The following DPYD variants were observed in gnomAD, a reference collection of about 807,000 sequenced individuals.
The protein encoded by DPYD is dihydropyrimidine dehydrogenase.
In DPYD, 109 loss-of-function variants were observed where a neutral mutation model predicts 116.2. The observed-to-expected ratio is 0.94, with a 90% CI of 0.80 to 1.10. The LOEUF (loss-of-function observed/expected upper bound fraction) is 1.10. Ranked by LOEUF, DPYD falls within the 50% of genes least tolerant of loss-of-function variation. The pLI is 0.00. For missense variants in DPYD, 1,302 were observed against 1,254.5 expected, an observed-to-expected ratio of 1.04 and a Z score of -0.57; for synonymous variants, 440 against 432.0, an observed-to-expected ratio of 1.02 and a Z score of -0.23.
intron 20 of DPYD, among the ~76,000 whole-genome samples, chr1:97,161,353 T>C (rs1655882711): frequency 6.6e-6 from 1 of 152,116 alleles, no homozygotes; most frequent in Non-Finnish European, 1.5e-5. Context: ...CAACCCATCA[T>C]TCTACCATAC....
At chr1:97,468,530 G>A (rs140618764) in intron 13 of DPYD, among the ~76,000 whole-genome samples, 1 of 152,126 alleles carries the variant, frequency 6.6e-6, no homozygotes, top group Non-Finnish European at 1.5e-5. Flanking sequence ...ATTTGCCAGT[G>A]CGTTAAACTT....
At chr1:97,299,240 A>C (rs1397667871) in intron 18 of DPYD, among the ~76,000 whole-genome samples, 1 of 152,158 alleles carries the variant, frequency 6.6e-6, no homozygotes, top group Non-Finnish European at 1.5e-5. Flanking sequence ...TCATAATAGA[A>C]CATTTTTTGA....
At chr1:97,755,448 T>G (rs1665176074) in intron 3 of DPYD, among the ~76,000 whole-genome samples, 4 of 152,162 alleles carry the variant, frequency 2.6e-5, no homozygotes, top group Admixed American at 2.6e-4. Flanking sequence ...CTGTAAGTAA[T>G]AAACCTGCTT....
intron 3 of DPYD, among the ~76,000 whole-genome samples, chr1:97,751,473 T>TATAA: frequency 8.7e-6 from 1 of 115,566 alleles, no homozygotes; most frequent in Non-Finnish European, 1.8e-5. Flanking sequence ...TATATATATA[T>TATAA]ATATATATAT....
chr1:97,378,920 G>A (rs1283328762), intron 15 of DPYD, among the ~76,000 whole-genome samples: 1 of 152,178 alleles, frequency 6.6e-6, no homozygotes, highest in African/African-American at 2.4e-5. Context: ...ATTTTGGGGA[G>A]CCTAATGCTT....
At chr1:97,287,212 G>A (rs966226446) in intron 18 of DPYD, among the ~76,000 whole-genome samples, 34 of 152,270 alleles carry the variant, frequency 2.2e-4, no homozygotes, top group Middle Eastern at 3.4e-3. Context: ...GTTTGCCTGG[G>A]TATCAGCAGC....
intron 16 of DPYD, among the ~76,000 whole-genome samples, chr1:97,330,894 T>C (rs1668953378): frequency 6.6e-6 from 1 of 152,222 alleles, no homozygotes; most frequent in Non-Finnish European, 1.5e-5. Flanking sequence ...GGGACAATCA[T>C]AATATTGGTA....
At chr1:97,867,740 T>A (rs1054815541) in intron 2 of DPYD, among the ~76,000 whole-genome samples, 3 of 151,844 alleles carry the variant, frequency 2.0e-5, no homozygotes, top group Non-Finnish European at 4.4e-5. Flanking sequence ...ATAAAAGCCA[T>A]GTATCACAAG....
intron 10 of DPYD, among the ~76,000 whole-genome samples, chr1:97,584,507 T>C (rs1240893405): frequency 6.6e-6 from 1 of 152,110 alleles, no homozygotes; most frequent in Non-Finnish European, 1.5e-5. Context: ...CTGAATGGTA[T>C]TGCCTAGGTC....
intron 14 of DPYD, among the ~76,000 whole-genome samples, chr1:97,393,846 A>G (rs1672856118): frequency 6.6e-6 from 1 of 152,170 alleles, no homozygotes; most frequent in South Asian, 2.1e-4. Flanking sequence ...TTCTAGTTCT[A>G]GATCCTTGAG....
chr1:97,693,307 AAAAAAAAAAACC>A lies in DPYD; in HGVS notation c.681-1521_681-1510del, dbSNP rs1288367962. ...CTCCGTCTCAAAAAAAAAAAAAAAA[AAAAAAAAAAACC>A]AAAAAAGAAAATGCAAGGTATCAAA... On this transcript the variant is annotated intron_variant, in intron 6 of 22. Transcript: ENST00000370192. 2.5e-3 allele frequency among the ~76,000 whole-genome samples: 323 copies of A among 127,282 alleles called. 7 individuals are homozygous for A. Among genetic ancestry groups the A allele is most frequent in the Middle Eastern group, 4.2e-3 (1 of 240 alleles). The allele number at this position is 127,282 out of a possible 152,430, so 83.5% of individuals were successfully genotyped here.
intron 17 of DPYD, 33 bp downstream of exon 17, chr1:97,306,144 A>G (rs1240620350): frequency 5.0e-6 from 8 of 1,611,728 alleles, no homozygotes; most frequent in East Asian, 2.2e-5. Flanking sequence ...AATATTTACA[A>G]TAGCGGGCAA....
In DPYD at chr1:97,866,312, T is replaced by C. The variant is rs568228659; in HGVS notation, c.150+16952A>G. 2.0e-5 allele frequency among the ~76,000 whole-genome samples: 3 copies of C among 152,074 alleles called. No homozygotes were observed. In the South Asian group the frequency reaches 6.2e-4, roughly 32 times the overall value. On this transcript the variant is annotated intron_variant, in intron 2 of 22. Transcript: ENST00000370192. The stretch of plus-strand genomic sequence containing the variant: ...GGCTTCCACAAGACAGCTTCTTTAC[T>C]GGCCTTCTGTTAATGAGTTAGAGGT...
At chr1:97,437,723 G>A (rs1292991680) in intron 14 of DPYD, among the ~76,000 whole-genome samples, 5 of 151,868 alleles carry the variant, frequency 3.3e-5, no homozygotes, top group Non-Finnish European at 7.4e-5. Flanking sequence ...AGTTTGAAGA[G>A]GAAATGTTTT....
intron 14 of DPYD, among the ~76,000 whole-genome samples, chr1:97,401,958 T>C (rs1358195630): frequency 6.6e-6 from 1 of 152,134 alleles, no homozygotes; most frequent in African/African-American, 2.4e-5. Context: ...ATTTCTGGGA[T>C]GTCTTTTTTG....
intron 4 of DPYD, among the ~76,000 whole-genome samples, chr1:97,723,583 T>C (rs1237325779): frequency 6.6e-6 from 1 of 151,626 alleles, no homozygotes; most frequent in Non-Finnish European, 1.5e-5. Flanking sequence ...TTAGTTGTGG[T>C]CTTTCCATCA....
At chr1:97,615,403 T>TG (rs1305187356) in intron 8 of DPYD, among the ~76,000 whole-genome samples, 1 of 152,046 alleles carries the variant, frequency 6.6e-6, no homozygotes, top group African/African-American at 2.4e-5. Flanking sequence ...AACAGTGGGG[T>TG]GATTCTGACC....
intron 1 of DPYD, among the ~76,000 whole-genome samples, chr1:97,885,149 C>A (rs949214620): frequency 1.3e-5 from 2 of 151,912 alleles, no homozygotes; most frequent in African/African-American, 4.8e-5. Context: ...GAATGCAATT[C>A]CTACTAGATT....
chr1:97,458,504 T>G (rs537584478), intron 13 of DPYD, among the ~76,000 whole-genome samples: 2 of 152,106 alleles, frequency 1.3e-5, no homozygotes, highest in African/African-American at 4.8e-5. Context: ...AAGGGCAAAC[T>G]AACTATTGGG....
Sources: allele counts gnomAD v4.1 joint callset (sites outside exome capture counted in the v4.1 genomes callset), GRCh38; gene constraint gnomAD v4.1.1; transcripts MANE v1.5; gene names NCBI Gene and HGNC (gene_info 2026-07-23, HGNC 2026-07-21).